Variants in SMARCA4 observed in about 807,000 individuals in gnomAD.
The protein encoded by SMARCA4 is SWI/SNF related BAF chromatin remodeling complex subunit ATPase 4.
In SMARCA4, 31 loss-of-function variants were observed where a neutral mutation model predicts 193.9. The observed-to-expected ratio is 0.16, with a 90% confidence interval of 0.12 to 0.22. The LOEUF (loss-of-function observed/expected upper bound fraction) is 0.22, where lower values mean the gene tolerates loss of function less well. SMARCA4 is among the 10% of genes least tolerant of loss of function. The pLI is 1.00. For synonymous variants in SMARCA4, 942 were observed against 933.1 expected (o/e 1.01, Z -0.17); for missense variants, 1,148 against 2,296.0 (o/e 0.50, Z 10.22).
intron 29 of SMARCA4, among the ~76,000 whole-genome samples, chr19:11,039,047 C>G (rs571149873): frequency 2.0e-5 from 3 of 151,546 alleles, no homozygotes; most frequent in African/African-American, 7.3e-5. Context: ...ATAGCAAGAC[C>G]TTTGTCTCTA....
At position 10,987,629 on chromosome 19, in the gene SMARCA4, G is replaced by A. The variant is rs2086171340; in HGVS notation, c.860-37G>A. On this transcript the variant is annotated intron_variant, in intron 5 of 34. Transcript: ENST00000344626. This position sits in a 1 kb window ranked among gnomAD's most constrained non-coding sequence, Gnocchi z 5.3. The stretch of plus-strand genomic sequence containing the variant: ...TTTCCAGCCCGGGATGGGCCCCAGA[G>A]CTCAACATGACGCCCTGGCCCCTTG... 1.9e-6 allele frequency: 3 copies of A among 1,612,150 alleles called. No individual in the cohort carries two copies. The South Asian group carries it at 3.3e-5, about 18-fold the overall frequency.
chr19:10,999,574 C>CT (rs2087428992), intron 11 of SMARCA4, among the ~76,000 whole-genome samples: 1 of 151,838 alleles, frequency 6.6e-6, no homozygotes, highest in Non-Finnish European at 1.5e-5. Context: ...GGGAGGATCA[C>CT]TTGAGTCCAA....
In SMARCA4 at chr19:11,059,871, G is replaced by T. The variant is rs148115492; in HGVS notation, c.4754G>T (p.Gly1585Val). Residue 1585 changes from glycine to valine, a missense_variant, in exon 33 of 35, where the codon GGC becomes GTC. Physicochemically the swap from Gly to Val is moderately radical, Grantham distance 109. Transcript: ENST00000344626. ...SEEEEEGEEE[G>V]SESESRSVKV... ...GAGGAGGAAGAGGGCGAGGAGGAAG[G>T]CTCCGAATCCGAATGTGAGTCCCGG... is the stretch of plus-strand genomic sequence containing the variant. 2.4e-5 allele frequency: 38 copies of T among 1,613,826 alleles called. No individual in the cohort carries two copies. Among genetic ancestry groups the T allele is most frequent in the Admixed American group, 5.0e-5 (3 of 60,000 alleles).
At chr19:10,982,564 A>G (rs1322445565) in intron 1 of SMARCA4, among the ~76,000 whole-genome samples, 1 of 150,528 alleles carries the variant, frequency 6.6e-6, no homozygotes, top group Admixed American at 6.6e-5. Flanking sequence ...CGGTGGCACG[A>G]TCTCGGCTCA....
chr19:10,983,449 T>G (rs948173977), intron 1 of SMARCA4: 3 of 151,890 alleles, frequency 2.0e-5, no homozygotes, highest in Admixed American at 6.6e-5. Context: ...TTTTTTTTTT[T>G]TCTGAGACAG....
rs535977944 is a variant in SMARCA4 at position 10,976,844 on chromosome 19, C to T, written c.-31-7277C>T. 3.3e-5 allele frequency among the ~76,000 whole-genome samples: 5 copies of T among 151,554 alleles called. No homozygotes were observed. The South Asian group carries it at 1.0e-3, about 32-fold the overall frequency. On this transcript the variant is annotated intron_variant, in intron 1 of 34. Transcript: ENST00000344626. ...CCGAGGCAGGCGGATTGCCTGAGCT[C>T]AGGAGTTTGAGACCAGCCTGGGCAA...
intron 18 of SMARCA4, 56 bp from the exon 19 acceptor site, chr19:11,021,669 C>T (rs1417711052): frequency 2.6e-6 from 4 of 1,560,420 alleles, no homozygotes; most frequent in Admixed American, 1.9e-5. Flanking sequence ...AGATTCTCCC[C>T]ATGTGCCGGG....
At position 11,058,692 on chromosome 19, in the gene SMARCA4, G is replaced by A; in HGVS notation, c.4534-96G>A. ...TTCGGCCACATCCTCATAGGCACGA[G>A]GAATCCTAGCCCGTGGGGTCTCCAG... On this transcript the variant is annotated intron_variant, in intron 31 of 34. Transcript: ENST00000344626. The surrounding 1 kb of genome is among the most constrained non-coding windows in gnomAD (Gnocchi z 5.8). 9.4e-7 allele frequency: 1 copy of A among 1,060,128 alleles called. No homozygotes were observed. The highest frequency in any genetic ancestry group is 1.3e-5 in the South Asian group (1 of 78,310). The allele number at this position is 1,060,128 out of a possible 1,614,324, so 65.7% of individuals were successfully genotyped here. A position where few individuals can be genotyped will look rare whatever the true frequency, so the allele number is the denominator to read the frequency against.
At chr19:10,980,590 T>G (rs2085481994) in intron 1 of SMARCA4, among the ~76,000 whole-genome samples, 1 of 151,002 alleles carries the variant, frequency 6.6e-6, no homozygotes, top group South Asian at 2.1e-4. Context: ...GCAGAGATCA[T>G]GTCACTGCAC....
chr19:11,061,115 G>T (rs2076835511), intron 34 of SMARCA4, among the ~76,000 whole-genome samples: 1 of 150,658 alleles, frequency 6.6e-6, no homozygotes, highest in South Asian at 2.1e-4. Flanking sequence ...TTGAGCCTGG[G>T]AGGTCGAGGC....
At position 11,059,924 on chromosome 19, in the gene SMARCA4, T is replaced by C; in HGVS notation, c.4768+39T>C. 1.9e-6 allele frequency: 3 copies of C among 1,613,582 alleles called. No individual in the cohort carries two copies. In the South Asian group the frequency reaches 3.3e-5, roughly 18 times the overall value. The stretch of plus-strand genomic sequence containing the variant: ...GGGTTCAGGACGCCGGGGTTCACGC[T>C]GGCCCGAGAGCCCCCAAGGCCCCAG... On this transcript the variant is annotated intron_variant, in intron 33 of 34. Transcript: ENST00000344626.
At chr19:10,968,500 T>A (rs1420878787) in intron 1 of SMARCA4, among the ~76,000 whole-genome samples, 1 of 149,422 alleles carries the variant, frequency 6.7e-6, no homozygotes, top group Non-Finnish European at 1.5e-5. Flanking sequence ...TGAGGAGGTG[T>A]TTTTTTTTTC....
intron 29 of SMARCA4, 105 bp downstream of exon 29, chr19:11,035,237 C>A: frequency 9.4e-7 from 1 of 1,062,684 alleles, no homozygotes; most frequent in Non-Finnish European, 1.4e-6. Context: ...AAAATGCTTT[C>A]CTTGGGCCAC....
Position 11,058,246 on chromosome 19 carries a change from G to A in SMARCA4, c.4425-9G>A, listed in dbSNP as rs1416265578. 2 of 1,606,538 alleles carry A rather than the reference G, an allele frequency of 1.2e-6. No homozygotes were observed. Among genetic ancestry groups the A allele is most frequent in the East Asian group, 2.2e-5 (1 of 44,844 alleles). On this transcript the variant is annotated splice_polypyrimidine_tract_variant and intron_variant, in intron 30 of 34. Coordinates refer to ENST00000344626, the MANE Select transcript of SMARCA4 (RefSeq NM_003072.5). This position sits in a 1 kb window ranked among gnomAD's most constrained non-coding sequence, Gnocchi z 5.8. ...CTCGGGGGTGATAGCCGCCGGTTCT[G>A]CCTTGCAGCAGCAGTGGACGTCAGC...
intron 13 of SMARCA4, among the ~76,000 whole-genome samples, chr19:11,004,109 C>T (rs1303148010): frequency 6.6e-5 from 10 of 152,044 alleles, no homozygotes; most frequent in Admixed American, 4.6e-4. Flanking sequence ...CTCCACCTCC[C>T]GTGTTCAAGC....
At position 11,041,139 on chromosome 19, in the gene SMARCA4, C is replaced by T; in HGVS notation, c.4171-168C>T. On this transcript the variant is annotated intron_variant, in intron 29 of 34. Transcript: ENST00000344626. This position sits in a 1 kb window ranked among gnomAD's most constrained non-coding sequence, Gnocchi z 5.6. ...CTGGTCTTTCACTGCAGCCCAGGCA[C>T]CCCTTGAGAGTCCCAGTGTGTGTTA... is the stretch of plus-strand genomic sequence containing the variant. The T allele has an allele frequency of 1.4e-6, 1 of 695,702 alleles. No individual in the cohort carries two copies. Among genetic ancestry groups the T allele is most frequent in the East Asian group, 2.5e-5 (1 of 39,228 alleles). The allele number at this position is 695,702 out of a possible 1,614,324, so 43.1% of individuals were successfully genotyped here. A position where few individuals can be genotyped will look rare whatever the true frequency, so the allele number is the denominator to read the frequency against.
intron 16 of SMARCA4, among the ~76,000 whole-genome samples, chr19:11,014,706 A>G (rs1487386114): frequency 2.0e-5 from 3 of 151,534 alleles, no homozygotes; most frequent in Non-Finnish European, 4.4e-5. Context: ...CTCTGCTGGA[A>G]CGCCGCTCTC....
intron 9 of SMARCA4, chr19:10,995,521 A>T (rs1390491124): frequency 2.2e-6 from 1 of 456,266 alleles, no homozygotes; most frequent in East Asian, 6.9e-5. Flanking sequence ...GGGGAAGTGG[A>T]GTGGAAGGGG....
chr19:10,964,721 G>A (rs2084077382), intron 1 of SMARCA4, among the ~76,000 whole-genome samples: 1 of 151,810 alleles, frequency 6.6e-6, no homozygotes, highest in African/African-American at 2.4e-5. Flanking sequence ...GGTCTCAAGC[G>A]ATTCTCATGC....
Sources: gnomAD v4.1 joint callset for allele counts (sites outside exome capture counted in the v4.1 genomes callset) on GRCh38, gnomAD v4.1.1 for gene constraint, Gnocchi (gnomAD v3.1) non-coding constraint, MANE v1.5 for transcripts, NCBI Gene and HGNC (gene_info 2026-07-23, HGNC 2026-07-21) for gene names.